The following AFF4 variants were observed in gnomAD, a reference collection of about 807,000 sequenced individuals.
AFF4 encodes AF4/FMR2 family member 4.
Under a neutral mutation model 124.8 loss-of-function variants are expected in AFF4, and 13 were observed. The ratio of observed to expected loss-of-function variants is 0.10; its 90% CI spans 0.07 to 0.17. The LOEUF is 0.17. Among genes scored for constraint, AFF4 ranks in the 10% least tolerant of loss-of-function variants. The pLI, the probability that AFF4 is intolerant of heterozygous loss-of-function variation, is 1.00. For synonymous variants in AFF4, 477 were observed against 496.1 expected (o/e 0.96, Z 0.51); for missense variants, 1,092 against 1,403.8 (o/e 0.78, Z 3.55).
intron 1 of AFF4, among the ~76,000 whole-genome samples, chr5:132,947,500 GT>G (rs930590222): frequency 6.6e-6 from 1 of 151,788 alleles, no homozygotes; most frequent in Non-Finnish European, 1.5e-5. Context: ...TTTGTTTTTT[GT>G]TTTTTTCACT....
intron 1 of AFF4, among the ~76,000 whole-genome samples, chr5:132,945,924 G>A (rs1761687772): frequency 6.6e-6 from 1 of 152,078 alleles, no homozygotes; most frequent in African/African-American, 2.4e-5. Context: ...GCCAGGCGTG[G>A]TGGCGCAAGC....
chr5:132,946,657 G>C (rs1411458275), intron 1 of AFF4, among the ~76,000 whole-genome samples: 2 of 152,184 alleles, frequency 1.3e-5, no homozygotes, highest in Admixed American at 1.3e-4. Flanking sequence ...AAATAGAATA[G>C]AGGTGGGGAG....
At chr5:132,915,594 G>A (rs1467288016) in intron 5 of AFF4, among the ~76,000 whole-genome samples, 1 of 136,558 alleles carries the variant, frequency 7.3e-6, no homozygotes, top group Non-Finnish European at 1.5e-5. Context: ...TTGAGATGGA[G>A]TCTCGTTCTG....
intron 1 of AFF4, among the ~76,000 whole-genome samples, chr5:132,959,851 G>A (rs1400269596): frequency 2.3e-5 from 3 of 131,742 alleles, no homozygotes; most frequent in Non-Finnish European, 3.1e-5. Flanking sequence ...TGCAAGCTCC[G>A]CCTCCTGGGT....
rs1206979086 is a variant in AFF4, at chr5:132,879,255, A to C, written c.*1804T>G. On this transcript the variant is annotated 3_prime_UTR_variant, in exon 21 of 21. Transcript: ENST00000265343. ...CTAACTTCAGAAATAAGTGTAAAAA[A>C]GTCTCAAACACAAAGGATTCACTGC... is the stretch of plus-strand genomic sequence containing the variant. 2 of 219,404 alleles carry C rather than the reference A, an allele frequency of 9.1e-6. No homozygotes were observed. The highest frequency in any genetic ancestry group is 1.3e-4 in the East Asian group (2 of 14,852). 13.6% of individuals were successfully genotyped at this position (219,404 alleles called of 1,614,324 possible). A position where few individuals can be genotyped will look rare whatever the true frequency, so the allele number is the denominator to read the frequency against.
intron 2 of AFF4, 65 bp from the exon 3 acceptor site, chr5:132,935,006 GAACTA>G: frequency 7.5e-7 from 1 of 1,330,412 alleles, no homozygotes; most frequent in Non-Finnish European, 9.9e-7. Flanking sequence ...ATATAATTCT[GAACTA>G]ATTTTCCAAA....
Position 132,879,074 on chromosome 5 carries a change from G to C in AFF4, c.*1985C>G, listed in dbSNP as rs998211518. 2.3e-5 allele frequency: 5 copies of C among 221,070 alleles called. No homozygotes were observed. The highest frequency in any genetic ancestry group is 1.1e-4 in the African/African-American group (5 of 44,642). The allele number at this position is 221,070 out of a possible 1,614,324, so 13.7% of individuals were successfully genotyped here. A position where few individuals can be genotyped will look rare whatever the true frequency, so the allele number is the denominator to read the frequency against. On this transcript the variant is annotated 3_prime_UTR_variant, in exon 21 of 21. Transcript: ENST00000265343. The stretch of plus-strand genomic sequence containing the variant: ...TGTTCCTAGAACACACTAAGATTAA[G>C]TTAGAAAGATATCAGAGGCAATTTC...
Position 132,897,125 on chromosome 5 carries a change from T to C in AFF4, c.1505A>G (p.Tyr502Cys). 1 of 1,614,190 alleles carries C rather than the reference T, an allele frequency of 6.2e-7. No individual in the cohort carries two copies. The highest frequency in any genetic ancestry group is 8.5e-7 in the Non-Finnish European group (1 of 1,180,020). ...VDSNIPSSQG[Y>C]KKEGREQGTG... is the part of the protein sequence containing the mutation. ...GCCCTGCTCTCGGCCTTCCTTTTTG[T>C]AGCCTTGAGATGATGGGATGTTACT... The change falls in exon 11 of 21, where the codon TAC (tyrosine) becomes TGC (cysteine). Residue 502 changes from tyrosine to cysteine, a missense_variant. Transcript: ENST00000265343.
At chr5:132,888,191 T>G in intron 14 of AFF4, 31 bp from the exon 15 acceptor site, 2 of 1,525,182 alleles carry the variant, frequency 1.3e-6, no homozygotes, top group Non-Finnish European at 1.8e-6. Context: ...ATAAATAGAA[T>G]AGTAAATATT....
intron 1 of AFF4, among the ~76,000 whole-genome samples, chr5:132,957,279 T>C (rs1291081567): frequency 6.6e-6 from 1 of 150,400 alleles, no homozygotes; most frequent in Non-Finnish European, 1.5e-5. Context: ...AGATCAAGGC[T>C]GCAGTGAGCC....
chr5:132,881,916 T>C (rs2150062383), intron 20 of AFF4, among the ~76,000 whole-genome samples: 1 of 151,986 alleles, frequency 6.6e-6, no homozygotes, highest in African/African-American at 2.4e-5. Flanking sequence ...TCCACTCGCC[T>C]TGGCTTCCCG....
chr5:132,891,082 G>T (rs1351012276), intron 13 of AFF4, among the ~76,000 whole-genome samples: 8 of 151,506 alleles, frequency 5.3e-5, no homozygotes, highest in Non-Finnish European at 1.2e-4. Context: ...AAGCACAGAG[G>T]CCTCAAATCC....
At chr5:132,882,578 C>T (rs1345082196) in intron 20 of AFF4, among the ~76,000 whole-genome samples, 9 of 152,066 alleles carry the variant, frequency 5.9e-5, no homozygotes, top group Admixed American at 2.0e-4. Flanking sequence ...GAATTCTGGC[C>T]GGACGTGGTG....
At chr5:132,927,286 A>C (rs1001868429) in intron 4 of AFF4, 79 bp from the exon 5 acceptor site, 14 of 1,232,696 alleles carry the variant, frequency 1.1e-5, no homozygotes, top group Non-Finnish European at 1.5e-5. Flanking sequence ...ATTTGTATTT[A>C]TAAATACTGG....
At chr5:132,955,777 C>CAAAAAA (rs1214913729) in intron 1 of AFF4, among the ~76,000 whole-genome samples, 4 of 71,262 alleles carry the variant, frequency 5.6e-5, no homozygotes, top group African/African-American at 2.2e-4. Flanking sequence ...GATTCCATCT[C>CAAAAAA]AAAAAAAAAA....
At chr5:132,956,841 GA>G (rs1761970887) in intron 1 of AFF4, among the ~76,000 whole-genome samples, 1 of 150,678 alleles carries the variant, frequency 6.6e-6, no homozygotes, top group South Asian at 2.1e-4. Context: ...CCAACATGGT[GA>G]AACCCCATCT....
At chr5:132,939,736 G>C (rs1761523213) in intron 1 of AFF4, among the ~76,000 whole-genome samples, 1 of 152,184 alleles carries the variant, frequency 6.6e-6, no homozygotes, top group East Asian at 1.9e-4. Flanking sequence ...TCAGCCTCCT[G>C]AGTAGCTGGG....
Position 132,889,191 on chromosome 5 carries a change from T to A in AFF4, c.2638-18A>T. On this transcript the variant is annotated intron_variant, in intron 13 of 20. Coordinates refer to ENST00000265343, the MANE Select transcript of AFF4 (RefSeq NM_014423.4). ...GCCTTTTCCTGACCAAAAAAATATA[T>A]AACTACAATGAAAACCGTAAGGAGA... 1 of 1,560,272 alleles carries A rather than the reference T, an allele frequency of 6.4e-7. No homozygotes were observed. The highest frequency in any genetic ancestry group is 8.8e-7 in the Non-Finnish European group (1 of 1,132,026).
intron 11 of AFF4, among the ~76,000 whole-genome samples, chr5:132,893,959 T>C (rs1000253393): frequency 1.3e-5 from 2 of 152,188 alleles, no homozygotes; most frequent in African/African-American, 4.8e-5. Flanking sequence ...CTCCTTTCAT[T>C]TAGTGTAACA....
Sources: gnomAD v4.1 joint callset for allele counts (sites outside exome capture counted in the v4.1 genomes callset) on GRCh38, gnomAD v4.1.1 for gene constraint, MANE v1.5 for transcripts, NCBI Gene and HGNC (gene_info 2026-07-23, HGNC 2026-07-21) for gene names.